PCDHGC5: variants seen among roughly 807,000 people sequenced by gnomAD.
The protein encoded by PCDHGC5 is protocadherin gamma-C5.
PCDHGC5 carries 25 observed loss-of-function variants against 59.0 expected under a neutral mutation model. That is an observed-to-expected ratio of 0.42 (90% CI 0.31 to 0.59). PCDHGC5 has a LOEUF of 0.59. Ranked by LOEUF, PCDHGC5 falls within the 20% of genes least tolerant of loss-of-function variation. The pLI, the probability that PCDHGC5 is intolerant of heterozygous loss-of-function variation, is 0.13. For missense variants in PCDHGC5, 1,067 were observed against 1,206.4 expected (o/e 0.88, Z 1.71); for synonymous variants, 434 against 505.5 (o/e 0.86, Z 1.90).
At position 141,489,425 on chromosome 5, in the gene PCDHGC5, G is replaced by C. The variant is rs779739693; in HGVS notation, c.185G>C (p.Arg62Pro). The change falls in exon 1 of 4, where the codon CGG becomes CCG. Residue 62 changes from arginine (R) to proline (P), a missense_variant. Physicochemically the swap from Arg to Pro is moderately radical, Grantham distance 103. Transcript: ENST00000252087. This position sits in a 1 kb window ranked among gnomAD's most constrained non-coding sequence, Gnocchi z 4.5. ...TTAAAGATGACAGATCTGTTGAGCC[G>C]GCGGCTGCAATTGGGCTCTGAGGAG... Reference protein sequence around the residue: ...LGLKMTDLLSRRLQLGSEENG... With the variant: ...LGLKMTDLLSPRLQLGSEENG... The C allele has an allele frequency of 4.3e-6, 7 of 1,614,118 alleles. No individual in the cohort carries two copies. The highest frequency in any genetic ancestry group is 1.1e-5 in the South Asian group (1 of 91,070).
rs1417059875 is a variant in PCDHGC5 at position 141,496,499 on chromosome 5, G to C, written c.2519+1634G>C. 2.6e-5 allele frequency among the ~76,000 whole-genome samples: 4 copies of C among 152,102 alleles called. No individual in the cohort carries two copies. In the East Asian group the frequency reaches 7.7e-4, roughly 29 times the overall value. On this transcript the variant is annotated intron_variant, in intron 2 of 3. Coordinates refer to ENST00000252087, the MANE Select transcript of PCDHGC5 (RefSeq NM_018929.3). ...TCCTGCAACCAACCAAACCCTTGTT[G>C]CCACAAGGACCCAGGAGCCCTTGGT...
At chr5:141,496,048 G>A (rs1327057788) in intron 2 of PCDHGC5, among the ~76,000 whole-genome samples, 1 of 148,400 alleles carries the variant, frequency 6.7e-6, no homozygotes, top group Non-Finnish European at 1.5e-5. Context: ...TCATTTTTTT[G>A]TGCTTGTGGG....
In PCDHGC5 at chr5:141,493,079, G is replaced by A. The variant is rs1299289839; in HGVS notation, c.2460+1379G>A. 6.6e-6 allele frequency among the ~76,000 whole-genome samples: 1 copy of A among 152,204 alleles called. No homozygotes were observed. Among genetic ancestry groups the A allele is most frequent in the East Asian group, 1.9e-4 (1 of 5,196 alleles). Reference sequence around the variant, plus strand: ...AAAAACACAAGTTTCTCCAACTCCAGGAGCTTTTATTCAAAATATATCAAT... The same window carrying A: ...AAAAACACAAGTTTCTCCAACTCCAAGAGCTTTTATTCAAAATATATCAAT... On this transcript the variant is annotated intron_variant, in intron 1 of 3. Transcript: ENST00000252087. The surrounding 1 kb of genome is among the most constrained non-coding windows in gnomAD (Gnocchi z 4.3).
At chr5:141,495,841 G>A (rs1187067340) in intron 2 of PCDHGC5, among the ~76,000 whole-genome samples, 1 of 151,864 alleles carries the variant, frequency 6.6e-6, no homozygotes, top group Non-Finnish European at 1.5e-5. Context: ...CAGCCTCTAT[G>A]TTTCTCTGTC....
rs549047197 is a variant in PCDHGC5, at chr5:141,502,866, C to CTTTTTTTTTTTTTTT, written c.2520-2513_2520-2512insTTTTTTTTTTTTTTT. Reference sequence around the variant, plus strand: ...GAGCTGCCTAACCCTGACTCTCTGTCTTTTTTTTTTTTTTGACAGGGAGTC... The same window carrying CTTTTTTTTTTTTTTT: ...GAGCTGCCTAACCCTGACTCTCTGTCTTTTTTTTTTTTTTTTTTTTTTTTTTTTTGACAGGGAGTC... On this transcript the variant is annotated intron_variant, in intron 2 of 3. Coordinates refer to ENST00000252087, the MANE Select transcript of PCDHGC5 (RefSeq NM_018929.3). 1.1e-4 allele frequency among the ~76,000 whole-genome samples: 14 copies of CTTTTTTTTTTTTTTT among 128,026 alleles called. 3 individuals are homozygous for CTTTTTTTTTTTTTTT. Among genetic ancestry groups the CTTTTTTTTTTTTTTT allele is most frequent in the Admixed American group, 1.7e-4 (2 of 11,664 alleles). The allele number at this position is 128,026 out of a possible 152,430, so 84.0% of individuals were successfully genotyped here.
intron 3 of PCDHGC5, among the ~76,000 whole-genome samples, chr5:141,510,375 G>A (rs980966602): frequency 3.4e-5 from 5 of 148,132 alleles, no homozygotes; most frequent in East Asian, 2.0e-4. Context: ...ATCTCTACTC[G>A]TGCCAGGCCT....
At position 141,505,413 on chromosome 5, in the gene PCDHGC5, C is replaced by A; in HGVS notation, c.2540C>A (p.Thr847Asn). ...CCCAGCTCCCAAAATGGCGATGACACCGGCACCTGGCCCAACAACCAGTTT... is the reference window on the plus strand; with the variant it reads ...CCCAGCTCCCAAAATGGCGATGACAACGGCACCTGGCCCAACAACCAGTTT... ...GTSGSQNGDD[T>N]GTWPNNQFDT... Residue 847 changes from threonine to asparagine, a missense_variant, in exon 3 of 4, where the codon ACC becomes AAC. Physicochemically the swap from Thr to Asn is moderately conservative, Grantham distance 65 (BLOSUM62 0). Coordinates refer to ENST00000252087, the MANE Select transcript of PCDHGC5 (RefSeq NM_018929.3). 1 of 1,614,202 alleles carries A rather than the reference C, an allele frequency of 6.2e-7. No homozygotes were observed. Among genetic ancestry groups the A allele is most frequent in the Non-Finnish European group, 8.5e-7 (1 of 1,180,046 alleles).
intron 2 of PCDHGC5, among the ~76,000 whole-genome samples, chr5:141,496,631 G>A (rs1434126210): frequency 6.6e-6 from 1 of 152,164 alleles, no homozygotes; most frequent in Admixed American, 6.5e-5. Context: ...CAAAAGGCTT[G>A]GGCTGCCCTT....
chr5:141,499,418 A>G (rs143234735), intron 2 of PCDHGC5, among the ~76,000 whole-genome samples: 1 of 152,296 alleles, frequency 6.6e-6, no homozygotes, highest in East Asian at 1.9e-4. Context: ...GAAACATGAA[A>G]AATAGAAAAA....
chr5:141,494,115 GC>G (rs1445167222), intron 1 of PCDHGC5, among the ~76,000 whole-genome samples: 1 of 152,186 alleles, frequency 6.6e-6, no homozygotes, highest in African/African-American at 2.4e-5. Context: ...AGACAGAGCA[GC>G]CTTGTTCTCT....
chr5:141,491,291 C>T lies in PCDHGC5; in HGVS notation c.2051C>T (p.Pro684Leu). 1 of 1,614,152 alleles carries T rather than the reference C, an allele frequency of 6.2e-7. No homozygotes were observed. The highest frequency in any genetic ancestry group is 8.5e-7 in the Non-Finnish European group (1 of 1,179,974). Residue 684 changes from proline (P) to leucine (L), a missense_variant, in exon 1 of 4, where the codon CCT becomes CTT. Coordinates refer to ENST00000252087, the MANE Select transcript of PCDHGC5 (RefSeq NM_018929.3). This position sits in a 1 kb window ranked among gnomAD's most constrained non-coding sequence, Gnocchi z 6.9. The stretch of plus-strand genomic sequence containing the variant: ...AAATCCAGTGACTTCCTCATACACC[C>T]TCCTGAGCGTTCAGACCTTACCCTT... ...MPKSSDFLIH[P>L]PERSDLTLYL...
rs996153387 is a variant in PCDHGC5, at chr5:141,491,985, G to A, written c.2460+285G>A. 24 of 743,298 alleles carry A rather than the reference G, an allele frequency of 3.2e-5. No homozygotes were observed. Among genetic ancestry groups the A allele is most frequent in the Non-Finnish European group, 4.5e-5 (22 of 494,254 alleles). 46.0% of individuals were successfully genotyped at this position (743,298 alleles called of 1,614,324 possible). On this transcript the variant is annotated intron_variant, in intron 1 of 3. Transcript: ENST00000252087. The surrounding 1 kb of genome is among the most constrained non-coding windows in gnomAD (Gnocchi z 6.9). ...AGGCCGGGGCCTCCTTCGAGCTTCC[G>A]GTGAATTTCGGGCGATTTCCGCGGG...
In PCDHGC5 at chr5:141,511,367, G is replaced by A. The variant is rs563286583; in HGVS notation, c.*194G>A. ...CCTTCCCCCCCAGGGGGTTGAATAT[G>A]CAAAAGCAGTTCCGCTGGGAACCCC... On this transcript the variant is annotated 3_prime_UTR_variant, in exon 4 of 4. Coordinates refer to ENST00000252087, the MANE Select transcript of PCDHGC5 (RefSeq NM_018929.3). 2.3e-6 allele frequency: 3 copies of A among 1,299,952 alleles called. No individual in the cohort carries two copies. Among genetic ancestry groups the A allele is most frequent in the Non-Finnish European group, 3.1e-6 (3 of 967,442 alleles). 80.5% of individuals were successfully genotyped at this position (1,299,952 alleles called of 1,614,324 possible).
At position 141,489,125 on chromosome 5, in the gene PCDHGC5, G is replaced by T. The variant is rs537146985; in HGVS notation, c.-116G>T. 1.1e-4 allele frequency: 77 copies of T among 728,124 alleles called. No individual in the cohort carries two copies. The East Asian group carries it at 1.9e-3, about 18-fold the overall frequency. 45.1% of individuals were successfully genotyped at this position (728,124 alleles called of 1,614,324 possible). A position where few individuals can be genotyped will look rare whatever the true frequency, so the allele number is the denominator to read the frequency against. ...CTGCAAGCAGGCAAACCTCCGAGCAGTTTTTAAGAGGCTGGAAGGAGACAT... is the reference window on the plus strand; with the variant it reads ...CTGCAAGCAGGCAAACCTCCGAGCATTTTTTAAGAGGCTGGAAGGAGACAT... On this transcript the variant is annotated 5_prime_UTR_variant, in exon 1 of 4. Coordinates refer to ENST00000252087, the MANE Select transcript of PCDHGC5 (RefSeq NM_018929.3). The surrounding 1 kb of genome is among the most constrained non-coding windows in gnomAD (Gnocchi z 4.5).
intron 2 of PCDHGC5, among the ~76,000 whole-genome samples, chr5:141,504,359 A>C (rs988295720): frequency 2.6e-5 from 4 of 152,044 alleles, no homozygotes; most frequent in African/African-American, 9.7e-5. Flanking sequence ...TAGGTGCTTC[A>C]GTAGGAAGCA....
chr5:141,489,290 G>A lies in PCDHGC5; in HGVS notation c.50G>A (p.Cys17Tyr). 6.3e-7 allele frequency: 1 copy of A among 1,577,514 alleles called. No individual in the cohort carries two copies. The highest frequency in any genetic ancestry group is 8.6e-7 in the Non-Finnish European group (1 of 1,162,002). ...PQLAGKWQVL[C>Y]MLSLCCWGWV... ...CTCGCTGGGAAATGGCAAGTGCTGT[G>A]CATGTTGTCCTTGTGCTGCTGGGGC... Residue 17 changes from cysteine (C) to tyrosine (Y), a missense_variant, in exon 1 of 4, where the codon TGC (cysteine) becomes TAC (tyrosine). Cys to Tyr is a radical substitution (Grantham distance 194). Transcript: ENST00000252087. This position sits in a 1 kb window ranked among gnomAD's most constrained non-coding sequence, Gnocchi z 4.5.
intron 2 of PCDHGC5, among the ~76,000 whole-genome samples, chr5:141,501,026 G>A (rs1053442173): frequency 7.9e-5 from 12 of 151,608 alleles, no homozygotes; most frequent in Non-Finnish European, 1.5e-4. Flanking sequence ...GCGCCACCAC[G>A]CCCAGCTAAT....
chr5:141,490,993 C>G lies in PCDHGC5; in HGVS notation c.1753C>G (p.Pro585Ala), dbSNP rs746618787. 1.9e-6 allele frequency: 3 copies of G among 1,614,140 alleles called. No individual in the cohort carries two copies. Among genetic ancestry groups the G allele is most frequent in the Non-Finnish European group, 2.5e-6 (3 of 1,180,030 alleles). Residue 585 changes from proline (P) to alanine (A), a missense_variant, in exon 1 of 4, where the codon CCT (proline) becomes GCT (alanine). By Grantham distance (27) the Pro-to-Ala change is conservative. Coordinates refer to ENST00000252087, the MANE Select transcript of PCDHGC5 (RefSeq NM_018929.3). The surrounding 1 kb of genome is among the most constrained non-coding windows in gnomAD (Gnocchi z 5.4). ...APQRLPRSAPPGSLVTKVTAV... is the reference protein window; with the variant it reads ...APQRLPRSAPAGSLVTKVTAV... ...CCAGCGTCTCCCTCGCTCTGCTCCT[C>G]CTGGCTCCTTGGTCACCAAGGTGAC...
chr5:141,492,552 T>A (rs1444534113), intron 1 of PCDHGC5, among the ~76,000 whole-genome samples: 1 of 152,084 alleles, frequency 6.6e-6, no homozygotes, highest in African/African-American at 2.4e-5. Context: ...CCGGGTCGCC[T>A]GGGGGGCGGC....
Sources: gnomAD v4.1 joint callset for allele counts (sites outside exome capture counted in the v4.1 genomes callset) on GRCh38, gnomAD v4.1.1 for gene constraint, Gnocchi (gnomAD v3.1) non-coding constraint, MANE v1.5 for transcripts, NCBI Gene and HGNC (gene_info 2026-07-23, HGNC 2026-07-21) for gene names.